Variants in DOCK5 observed in about 807,000 individuals in gnomAD.
DOCK5 encodes the protein dedicator of cytokinesis 5, also known as dedicator of cytokinesis protein 5.
DOCK5 carries 142 observed loss-of-function variants against 251.8 expected under a neutral mutation model. The ratio of observed to expected loss-of-function variants is 0.56; its 90% CI spans 0.49 to 0.65. DOCK5 has a LOEUF of 0.65. DOCK5 is among the 30% of genes least tolerant of loss of function. DOCK5 has a pLI of 0.00. For synonymous variants in DOCK5, 842 were observed against 835.5 expected, an observed-to-expected ratio of 1.01 and a Z score of -0.13; for missense variants, 2,111 against 2,312.3, an observed-to-expected ratio of 0.91 and a Z score of 1.79.
At position 25,362,690 on chromosome 8, in the gene DOCK5, G is replaced by A. The variant is rs143386105; in HGVS notation, c.2950-357G>A. 3.3e-3 allele frequency among the ~76,000 whole-genome samples: 507 copies of A among 151,590 alleles called. 1 individual carries two copies. The highest frequency in any genetic ancestry group is 0.011 in the African/African-American group (461 of 41,348). ...CTATGTTGGCCAAGCTGCCCACCTC[G>A]GCCTCCCAAAGTGCTGAGATTACAG... is the stretch of plus-strand genomic sequence containing the variant. On this transcript the variant is annotated intron_variant, in intron 28 of 51. Transcript: ENST00000276440.
chr8:25,386,568 A>C (rs1483220081), intron 40 of DOCK5, among the ~76,000 whole-genome samples: 1 of 152,240 alleles, frequency 6.6e-6, no homozygotes. Context: ...ACTGCACTCC[A>C]GCCTGGATGA....
chr8:25,291,261 G>A (rs1185463666), intron 5 of DOCK5, among the ~76,000 whole-genome samples: 1 of 152,194 alleles, frequency 6.6e-6, no homozygotes, highest in African/African-American at 2.4e-5. Flanking sequence ...ACAATCACCA[G>A]TTTCCACAGT....
At chr8:25,374,697 T>C in intron 37 of DOCK5, 43 bp downstream of exon 37, 1 of 1,613,572 alleles carries the variant, frequency 6.2e-7, no homozygotes. Flanking sequence ...TGGAGTACAG[T>C]GTCCTTTCAG....
chr8:25,319,600 G>A lies in DOCK5; in HGVS notation c.1466G>A (p.Gly489Glu), dbSNP rs369656973. The change falls in exon 15 of 52, where the codon GGA becomes GAA. Residue 489 changes from glycine to glutamate, a missense_variant. Physicochemically the swap from Gly to Glu is moderately conservative, Grantham distance 98. This residue lies in a region of DOCK5 where 1,717 missense variants were observed against 1,892.4 expected (regional missense o/e 0.91). Coordinates refer to ENST00000276440, the MANE Select transcript of DOCK5 (RefSeq NM_024940.8). ...LLEKAIHPGA[G>E]YEGISEYKSV... is the part of the protein sequence containing the mutation. ...AAGAAAGCAATTCACCCTGGTGCTG[G>A]ATATGAAGGCATTTCAGAATACAAA... is the stretch of plus-strand genomic sequence containing the variant. The A allele has an allele frequency of 3.3e-5, 53 of 1,585,592 alleles. No individual in the cohort carries two copies. The highest frequency in any genetic ancestry group is 4.2e-5 in the Non-Finnish European group (49 of 1,165,378).
chr8:25,325,471 C>T lies in DOCK5; in HGVS notation c.1827C>T (p.Phe609=), dbSNP rs748294809. Residue 609 remains phenylalanine (F), a synonymous_variant, in exon 18 of 52, where the codon TTC becomes TTT. Coordinates refer to ENST00000276440, the MANE Select transcript of DOCK5 (RefSeq NM_024940.8). The stretch of plus-strand genomic sequence containing the variant: ...AAGCATCCAAAAACCTGGTCACCTT[C>T]ACCCCAAGCAAGGATAGCACTAAAG... ...ELQASKNLVT[F]TPSKDSTKDS... is the part of the protein sequence containing the mutation. 1.3e-4 allele frequency: 203 copies of T among 1,613,788 alleles called. No individual in the cohort carries two copies. Among genetic ancestry groups the T allele is most frequent in the Non-Finnish European group, 1.5e-4 (182 of 1,179,810 alleles).
At position 25,268,561 on chromosome 8, in the gene DOCK5, GT is replaced by G. The variant is rs1040237074; in HGVS notation, c.128-276del. Among the ~76,000 whole-genome samples the G allele has an allele frequency of 7.5e-4, 114 of 151,878 alleles. No homozygotes were observed. The South Asian group carries it at 0.013, about 17-fold the overall frequency. ...TGATAAGAAACGGGCTGTCTTGTTGGTTTTTTTTGCTATTGTTCTATTCTTC... is the reference window on the plus strand; with the variant it reads ...TGATAAGAAACGGGCTGTCTTGTTGGTTTTTTTGCTATTGTTCTATTCTTC... On this transcript the variant is annotated intron_variant, in intron 2 of 51. Coordinates refer to ENST00000276440, the MANE Select transcript of DOCK5 (RefSeq NM_024940.8).
intron 5 of DOCK5, among the ~76,000 whole-genome samples, chr8:25,286,980 C>T (rs999780088): frequency 6.6e-6 from 1 of 152,066 alleles, no homozygotes; most frequent in African/African-American, 2.4e-5. Context: ...TCTACCCATC[C>T]CTGTGGTCTG....
At chr8:25,189,397 G>A (rs897922632) in intron 1 of DOCK5, among the ~76,000 whole-genome samples, 2 of 151,850 alleles carry the variant, frequency 1.3e-5, no homozygotes, top group African/African-American at 4.8e-5. Flanking sequence ...GTCTCGTTCT[G>A]TAACCCAGGA....
Position 25,408,782 on chromosome 8 carries a change from C to T in DOCK5, c.5266-20C>T. On this transcript the variant is annotated intron_variant, in intron 49 of 51. Coordinates refer to ENST00000276440, the MANE Select transcript of DOCK5 (RefSeq NM_024940.8). ...CCTTCCTCACCGTGAAAATGTTTTG[C>T]TTTTTCTCTCTGGTCCTAGAGCCCA... is the stretch of plus-strand genomic sequence containing the variant. The T allele has an allele frequency of 6.2e-7, 1 of 1,613,368 alleles. No individual in the cohort carries two copies. The highest frequency in any genetic ancestry group is 8.5e-7 in the Non-Finnish European group (1 of 1,179,578).
At chr8:25,328,130 A>G (rs1286041788) in intron 18 of DOCK5, among the ~76,000 whole-genome samples, 1 of 151,912 alleles carries the variant, frequency 6.6e-6, no homozygotes, top group African/African-American at 2.4e-5. Context: ...ACGGATATAC[A>G]TTTTCATCAT....
At chr8:25,239,445 C>T (rs759262626) in intron 1 of DOCK5, among the ~76,000 whole-genome samples, 17 of 151,436 alleles carry the variant, frequency 1.1e-4, no homozygotes, top group Non-Finnish European at 2.2e-4. Flanking sequence ...CTTCTGCTTA[C>T]TTTTCCAATG....
intron 1 of DOCK5, among the ~76,000 whole-genome samples, chr8:25,200,224 A>C (rs1801847749): frequency 6.6e-6 from 1 of 152,244 alleles, no homozygotes; most frequent in African/African-American, 2.4e-5. Context: ...GTATTGATTA[A>C]AAATGCACAT....
chr8:25,390,329 A>T, intron 42 of DOCK5, 42 bp downstream of exon 42: 1 of 1,464,720 alleles, frequency 6.8e-7, no homozygotes, highest in Non-Finnish European at 9.2e-7. Flanking sequence ...ATCTGTGTCT[A>T]GGCACAGTGG....
At chr8:25,298,106 CA>C (rs1804666263) in intron 7 of DOCK5, among the ~76,000 whole-genome samples, 2 of 150,946 alleles carry the variant, frequency 1.3e-5, no homozygotes, top group South Asian at 4.2e-4. Flanking sequence ...TTCTCAGACC[CA>C]AACATATTGA....
Position 25,278,551 on chromosome 8 carries a change from T to G in DOCK5, c.225-18T>G. The G allele has an allele frequency of 6.2e-7, 1 of 1,613,130 alleles. No homozygotes were observed. Among genetic ancestry groups the G allele is most frequent in the Admixed American group, 1.7e-5 (1 of 59,992 alleles). ...TGATCAGCCTAGAAGAAAGTGACCC[T>G]CGTTTGGTTCTTTGTAGGCAGCATG... On this transcript the variant is annotated intron_variant, in intron 4 of 51. Transcript: ENST00000276440.
chr8:25,303,516 G>C (rs1212149512), intron 10 of DOCK5, among the ~76,000 whole-genome samples: 1 of 152,172 alleles, frequency 6.6e-6, no homozygotes, highest in African/African-American at 2.4e-5. Flanking sequence ...TTCCTCTGTA[G>C]TTTGTTCAAT....
chr8:25,333,252 G>C (rs1805725583), intron 20 of DOCK5, among the ~76,000 whole-genome samples: 1 of 152,210 alleles, frequency 6.6e-6, no homozygotes, highest in South Asian at 2.1e-4. Flanking sequence ...AGCAAGCATC[G>C]TTTTCACCTT....
rs1239696785 is a variant in DOCK5, at chr8:25,325,445, C to T, written c.1801C>T (p.Gln601Ter). 6.2e-7 allele frequency: 1 copy of T among 1,613,968 alleles called. No homozygotes were observed. Among genetic ancestry groups the T allele is most frequent in the Non-Finnish European group, 8.5e-7 (1 of 1,179,868 alleles). The change falls in exon 18 of 52, where the codon CAA becomes TAA. Residue 601 changes from glutamine to a stop codon, truncating the protein, a stop_gained. Transcript: ENST00000276440. LOFTEE classifies it high-confidence loss of function. ...GATGGAGATGGAAGAAAAAGAGCTT[C>T]AAGCATCCAAAAACCTGGTCACCTT... The part of the protein sequence containing the change: ...TKMEMEEKEL[Q>*]ASKNLVTFTP...
chr8:25,316,862 C>A, intron 13 of DOCK5, 145 bp from the exon 14 acceptor site: 2 of 932,570 alleles, frequency 2.1e-6, no homozygotes, highest in Non-Finnish European at 3.1e-6. Context: ...AGACAGCAAA[C>A]GCATATGAAA....
Sources: gnomAD v4.1 joint callset for allele counts (sites outside exome capture counted in the v4.1 genomes callset) on GRCh38, gnomAD v4.1.1 for gene constraint, gnomAD v4.1.1 regional missense constraint, MANE v1.5 for transcripts, NCBI Gene and HGNC (gene_info 2026-07-23, HGNC 2026-07-21) for gene names.